VPS13D: variants seen among roughly 807,000 people sequenced by gnomAD.
The protein encoded by VPS13D is intermembrane lipid transfer protein VPS13D.
A neutral mutation model predicts 461.9 loss-of-function variants in VPS13D; 187 were observed. That is an observed-to-expected ratio of 0.40 (90% CI 0.36 to 0.46). VPS13D has a LOEUF of 0.46. Among genes scored for constraint, VPS13D ranks in the 20% least tolerant of loss-of-function variants. The pLI is 0.60. For synonymous variants in VPS13D, 1,951 were observed against 1,986.3 expected (o/e 0.98, Z 0.47); for missense variants, 4,711 against 5,364.9 (o/e 0.88, Z 3.81).
At chr1:12,442,573 A>T (rs190214793) in intron 65 of VPS13D, among the ~76,000 whole-genome samples, 4 of 151,430 alleles carry the variant, frequency 2.6e-5, no homozygotes, top group Admixed American at 2.0e-4. Flanking sequence ...ATTGTTTCCA[A>T]GATTTCCCTT....
intron 52 of VPS13D, among the ~76,000 whole-genome samples, chr1:12,364,034 A>G (rs1230663930): frequency 1.3e-5 from 2 of 151,620 alleles, no homozygotes; most frequent in African/African-American, 4.8e-5. Flanking sequence ...TTCATCAAAT[A>G]CTTTAAAAAA....
At chr1:12,335,946 C>A in intron 39 of VPS13D, 119 bp downstream of exon 39, 1 of 1,446,322 alleles carries the variant, frequency 6.9e-7, no homozygotes, top group South Asian at 1.3e-5. Context: ...GAAATTCTGA[C>A]TATCTTCTGT....
intron 26 of VPS13D, among the ~76,000 whole-genome samples, 182 bp from the exon 27 acceptor site, chr1:12,308,249 G>A (rs1642625068): frequency 6.6e-6 from 1 of 152,152 alleles, no homozygotes; most frequent in Non-Finnish European, 1.5e-5. Flanking sequence ...GCATAAGGAG[G>A]TCTGGCTGCC....
rs780241797 is a variant in VPS13D at position 12,507,345 on chromosome 1, G to A, written c.13035+252G>A. ...CACAACGTTTGTGCCTCAGTTACCC[G>A]TAGATGTAGTGAGGGTAACAATACT... On this transcript the variant is annotated intron_variant, in intron 69 of 69. Coordinates refer to ENST00000620676, the MANE Select transcript of VPS13D (RefSeq NM_015378.4). The surrounding 1 kb of genome is among the most constrained non-coding windows in gnomAD (Gnocchi z 5.3). 21 of 715,362 alleles carry A rather than the reference G, an allele frequency of 2.9e-5. No individual in the cohort carries two copies. The highest frequency in any genetic ancestry group is 8.6e-5 in the African/African-American group (5 of 58,092). 44.3% of individuals were successfully genotyped at this position (715,362 alleles called of 1,614,324 possible).
intron 44 of VPS13D, among the ~76,000 whole-genome samples, chr1:12,348,183 G>T (rs1481810413): frequency 6.6e-6 from 1 of 152,254 alleles, no homozygotes; most frequent in East Asian, 1.9e-4. Flanking sequence ...ACACTTTCTG[G>T]ATTTTACAAA....
At chr1:12,417,797 A>G (rs143039644) in intron 65 of VPS13D, among the ~76,000 whole-genome samples, 5 of 152,198 alleles carry the variant, frequency 3.3e-5, no homozygotes, top group East Asian at 1.9e-4. Flanking sequence ...TCCCCAAACT[A>G]TTTTCTAGGG....
intron 65 of VPS13D, among the ~76,000 whole-genome samples, chr1:12,424,507 G>A (rs1644900114): frequency 6.6e-6 from 1 of 152,158 alleles, no homozygotes; most frequent in African/African-American, 2.4e-5. Context: ...AACTGCAAGT[G>A]ACCAAAATTC....
At position 12,510,566 on chromosome 1, in the gene VPS13D, C is replaced by CGT. The variant is rs1245311053; in HGVS notation, c.*1544_*1545dup. ...GTGTGTGTGTGTGTGCGCGCGCGCG[C>CGT]GTGCATGCAGAGAGGAAGGAAGGGA... On this transcript the variant is annotated 3_prime_UTR_variant, in exon 70 of 70. Transcript: ENST00000620676. The CGT allele has an allele frequency of 1.3e-5, 2 of 152,936 alleles. No homozygotes were observed. Among genetic ancestry groups the CGT allele is most frequent in the African/African-American group, 4.9e-5 (2 of 41,176 alleles). 9.5% of individuals were successfully genotyped at this position (152,936 alleles called of 1,614,324 possible).
At position 12,272,958 on chromosome 1, in the gene VPS13D, G is replaced by C. The variant is rs202107993; in HGVS notation, c.2104-45G>C. 4 of 1,600,382 alleles carry C rather than the reference G, an allele frequency of 2.5e-6. No individual in the cohort carries two copies. In the East Asian group the frequency reaches 9.0e-5, roughly 36 times the overall value. The stretch of plus-strand genomic sequence containing the variant: ...ATGCTTGAGCACCATGGATAAAGCT[G>C]TTGGGTTTCGGCAGTTATGGTTAAT... On this transcript the variant is annotated intron_variant, in intron 17 of 69. Coordinates refer to ENST00000620676, the MANE Select transcript of VPS13D (RefSeq NM_015378.4).
In VPS13D at chr1:12,498,851, A is replaced by G. The variant is rs55650381; in HGVS notation, c.12794+1220A>G. On this transcript the variant is annotated intron_variant, in intron 68 of 69. Transcript: ENST00000620676. ...TGTCTCTTATAAGGGTACTAATCCT[A>G]TCAGCTCAGGGCCCCAACCTTATGA... is the stretch of plus-strand genomic sequence containing the variant. Among the ~76,000 whole-genome samples, 496 of 152,230 alleles carry G rather than the reference A, an allele frequency of 3.3e-3. 3 individuals carry two copies. Among genetic ancestry groups the G allele is most frequent in the Non-Finnish European group, 4.2e-3 (288 of 68,014 alleles).
At chr1:12,471,401 A>G (rs1000184209) in intron 67 of VPS13D, among the ~76,000 whole-genome samples, 1 of 152,230 alleles carries the variant, frequency 6.6e-6, no homozygotes, top group Non-Finnish European at 1.5e-5. Flanking sequence ...CAAAGTAGAT[A>G]TGTATTCACT....
rs1182663549 is a variant in VPS13D, at chr1:12,415,402, G to A, written c.12165+181G>A. 2.0e-5 allele frequency among the ~76,000 whole-genome samples: 3 copies of A among 152,274 alleles called. No individual in the cohort carries two copies. In the East Asian group the frequency reaches 5.8e-4, roughly 29 times the overall value. On this transcript the variant is annotated intron_variant, in intron 64 of 69. Transcript: ENST00000620676. ...TATGTGTCATGAAAATCCTGAGATA[G>A]TACATTTGACCTATGAGCTGTTAGT...
At chr1:12,445,149 C>G (rs1463197332) in intron 65 of VPS13D, among the ~76,000 whole-genome samples, 3 of 152,116 alleles carry the variant, frequency 2.0e-5, no homozygotes, top group African/African-American at 7.2e-5. Flanking sequence ...AGCTTCAACC[C>G]CTGGAGTCAC....
chr1:12,431,874 C>T (rs1644996388), intron 65 of VPS13D, among the ~76,000 whole-genome samples: 1 of 151,968 alleles, frequency 6.6e-6, no homozygotes, highest in South Asian at 2.1e-4. Context: ...ACAAGACCTG[C>T]CCCCATGAAA....
At position 12,244,308 on chromosome 1, in the gene VPS13D, A is replaced by G; in HGVS notation, c.238A>G (p.Ile80Val). ...TCGCCCCCATGTGGACCCTTGGGTG[A>G]TCTCCATCTCCAGCCTTCACTTAAT... Reference protein sequence around the residue: ...FYRPHVDPWVISISSLHLIGA... With the variant: ...FYRPHVDPWVVSISSLHLIGA... The change falls in exon 4 of 70, where the codon ATC becomes GTC. Residue 80 changes from isoleucine to valine, a missense_variant. Ile to Val is a conservative substitution (Grantham distance 29, BLOSUM62 3). This residue lies in a region of VPS13D where 4,411 missense variants were observed against 4,937.8 expected (regional missense o/e 0.89). Coordinates refer to ENST00000620676, the MANE Select transcript of VPS13D (RefSeq NM_015378.4). 1.2e-6 allele frequency: 2 copies of G among 1,614,136 alleles called. No homozygotes were observed. Among genetic ancestry groups the G allele is most frequent in the African/African-American group, 1.3e-5 (1 of 75,046 alleles).
chr1:12,343,183 T>C, intron 42 of VPS13D, 132 bp downstream of exon 42: 2 of 754,026 alleles, frequency 2.7e-6, no homozygotes. Flanking sequence ...TATTTTATTT[T>C]ATTTTTGAGA....
At chr1:12,402,501 A>T (rs944104905) in intron 62 of VPS13D, 1 of 152,244 alleles carries the variant, frequency 6.6e-6, no homozygotes, top group Non-Finnish European at 1.5e-5. Context: ...AATCACTGGG[A>T]ATGTGTGTAC....
chr1:12,295,349 A>G (rs1642247374), intron 24 of VPS13D, among the ~76,000 whole-genome samples: 1 of 152,170 alleles, frequency 6.6e-6, no homozygotes, highest in Non-Finnish European at 1.5e-5. Flanking sequence ...GACTTGGTAG[A>G]TATTGATTTG....
chr1:12,282,042 C>A (rs1056139646), intron 20 of VPS13D, among the ~76,000 whole-genome samples: 1 of 152,036 alleles, frequency 6.6e-6, no homozygotes, highest in African/African-American at 2.4e-5. Flanking sequence ...CCTGTGCCAC[C>A]ACACTCTGCT....
Sources: gnomAD v4.1 joint callset for allele counts (sites outside exome capture counted in the v4.1 genomes callset) on GRCh38, gnomAD v4.1.1 for gene constraint, gnomAD v4.1.1 regional missense constraint, Gnocchi (gnomAD v3.1) non-coding constraint, MANE v1.5 for transcripts, NCBI Gene and HGNC (gene_info 2026-07-23, HGNC 2026-07-21) for gene names.